ERO1A: variants seen among roughly 807,000 people sequenced by gnomAD.
ERO1A encodes ERO1-like protein alpha.
Under a neutral mutation model 76.9 loss-of-function variants are expected in ERO1A, and 49 were observed. That is an observed-to-expected ratio of 0.64 (90% CI 0.51 to 0.81). The LOEUF (loss-of-function observed/expected upper bound fraction) is 0.81. ERO1A is among the 30% of genes least tolerant of loss of function. The pLI is 0.00. For missense variants in ERO1A, 448 were observed against 542.1 expected, an observed-to-expected ratio of 0.83 and a Z score of 1.72; for synonymous variants, 174 against 181.2, an observed-to-expected ratio of 0.96 and a Z score of 0.32.
intron 12 of ERO1A, among the ~76,000 whole-genome samples, chr14:52,652,599 A>C (rs991739094): frequency 6.6e-6 from 1 of 152,158 alleles, no homozygotes; most frequent in Non-Finnish European, 1.5e-5. Context: ...TCAGTACCCA[A>C]ATCAAAATAA....
chr14:52,673,607 T>C (rs886916089), intron 4 of ERO1A, among the ~76,000 whole-genome samples: 1 of 152,224 alleles, frequency 6.6e-6, no homozygotes, highest in South Asian at 2.1e-4. Flanking sequence ...TAAAATCTGA[T>C]TGATAATAGA....
chr14:52,685,258 T>G (rs1453508900), intron 1 of ERO1A, among the ~76,000 whole-genome samples: 3 of 152,196 alleles, frequency 2.0e-5, no homozygotes, highest in African/African-American at 7.2e-5. Context: ...GAAGAACTTT[T>G]TACTGCTTTT....
intron 6 of ERO1A, among the ~76,000 whole-genome samples, chr14:52,668,171 T>C (rs1230258354): frequency 6.6e-6 from 1 of 152,196 alleles, no homozygotes; most frequent in African/African-American, 2.4e-5. Flanking sequence ...AATGGATAAC[T>C]GTTCATTTCA....
chr14:52,647,467 A>G (rs2039710326), intron 13 of ERO1A, among the ~76,000 whole-genome samples: 1 of 152,076 alleles, frequency 6.6e-6, no homozygotes, highest in African/African-American at 2.4e-5. Flanking sequence ...AAAATTTGTC[A>G]CAAGTACAAT....
chr14:52,693,695 A>G (rs2041436825), intron 1 of ERO1A, among the ~76,000 whole-genome samples: 1 of 151,670 alleles, frequency 6.6e-6, no homozygotes, highest in Non-Finnish European at 1.5e-5. Flanking sequence ...CGGGGGTTTC[A>G]CTATGTTGCC....
In ERO1A at chr14:52,649,822, A is replaced by C. The variant is rs1441742304; in HGVS notation, c.1125+2417T>G. Among the ~76,000 whole-genome samples, 8 of 152,324 alleles carry C rather than the reference A, an allele frequency of 5.3e-5. No homozygotes were observed. In the South Asian group the frequency reaches 1.2e-3, roughly 24 times the overall value. On this transcript the variant is annotated intron_variant, in intron 13 of 15. Transcript: ENST00000395686. Reference sequence around the variant, plus strand: ...GGAGGTAGATGGGAAGTCAAGAATAAGTATTATCTAACAGCAAAAAAACTG... The same window carrying C: ...GGAGGTAGATGGGAAGTCAAGAATACGTATTATCTAACAGCAAAAAAACTG...
chr14:52,687,837 A>C (rs985166401), intron 1 of ERO1A, among the ~76,000 whole-genome samples: 2 of 152,200 alleles, frequency 1.3e-5, no homozygotes, highest in African/African-American at 4.8e-5. Context: ...CAGTTGAGGA[A>C]CAGTAAATAG....
chr14:52,685,991 C>T (rs2041164538), intron 1 of ERO1A, among the ~76,000 whole-genome samples: 1 of 152,194 alleles, frequency 6.6e-6, no homozygotes, highest in South Asian at 2.1e-4. Flanking sequence ...GCGGGAGGAT[C>T]ACTTGAGGTC....
intron 6 of ERO1A, among the ~76,000 whole-genome samples, chr14:52,669,122 T>C (rs1163815406): frequency 6.6e-6 from 1 of 152,212 alleles, no homozygotes; most frequent in Admixed American, 6.5e-5. Context: ...AAATACTTTC[T>C]ATATTTCACG....
At position 52,678,420 on chromosome 14, in the gene ERO1A, G is replaced by T; in HGVS notation, c.357+14C>A. 1 of 1,609,506 alleles carries T rather than the reference G, an allele frequency of 6.2e-7. No homozygotes were observed. Among genetic ancestry groups the T allele is most frequent in the South Asian group, 1.1e-5 (1 of 90,918 alleles). On this transcript the variant is annotated intron_variant, in intron 4 of 15. Transcript: ENST00000395686. Reference sequence around the variant, plus strand: ...ATTAAGATACTGGACACATCAATAGGTATACGTACACACCTTGTAGCTCGC... The same window carrying T: ...ATTAAGATACTGGACACATCAATAGTTATACGTACACACCTTGTAGCTCGC...
rs917283236 is a variant in ERO1A at position 52,695,393 on chromosome 14, G to C, written c.89C>G (p.Thr30Arg). ...SGHGEEQPPE[T>R]AAQRCFCQVS... ...CTGGCAGAAGCACCTCTGTGCCGCTGTCTCCGGGGGCTGCTCCTCTCCGTG... is the reference window on the plus strand; with the variant it reads ...CTGGCAGAAGCACCTCTGTGCCGCTCTCTCCGGGGGCTGCTCCTCTCCGTG... The change falls in exon 1 of 16, where the codon ACA becomes AGA. Residue 30 changes from threonine (T) to arginine (R), a missense_variant. Around this residue, in one of 2 missense-constraint regions of ERO1A, gnomAD observed 146 missense variants for 130.2 expected, o/e 1.12. Transcript: ENST00000395686. 7 of 1,527,084 alleles carry C rather than the reference G, an allele frequency of 4.6e-6. No homozygotes were observed. In the African/African-American group the frequency reaches 8.5e-5, roughly 18 times the overall value. 94.6% of individuals were successfully genotyped at this position (1,527,084 alleles called of 1,614,324 possible). A position where few individuals can be genotyped will look rare whatever the true frequency, so the allele number is the denominator to read the frequency against.
In ERO1A at chr14:52,640,690, T is replaced by A. The variant is rs2039441874; in HGVS notation, c.*2880A>T. On this transcript the variant is annotated 3_prime_UTR_variant, in exon 16 of 16. Coordinates refer to ENST00000395686, the MANE Select transcript of ERO1A (RefSeq NM_014584.3). ...GCAATGAAGATGAAAGAGTGATGTATCAGAGAGGTGGAGATAAAATCAGTA... is the reference window on the plus strand; with the variant it reads ...GCAATGAAGATGAAAGAGTGATGTAACAGAGAGGTGGAGATAAAATCAGTA... 1 of 152,066 alleles carries A rather than the reference T, an allele frequency of 6.6e-6. No homozygotes were observed. The highest frequency in any genetic ancestry group is 2.1e-4 in the South Asian group (1 of 4,820). The allele number at this position is 152,066 out of a possible 1,614,324, so 9.4% of individuals were successfully genotyped here.
At chr14:52,666,743 C>T (rs2040425052) in intron 6 of ERO1A, among the ~76,000 whole-genome samples, 1 of 152,118 alleles carries the variant, frequency 6.6e-6, no homozygotes, top group South Asian at 2.1e-4. Context: ...CCAGCCTGGC[C>T]AACATAGTGA....
intron 6 of ERO1A, among the ~76,000 whole-genome samples, chr14:52,668,508 G>T (rs185616593): frequency 6.6e-6 from 1 of 151,800 alleles, no homozygotes; most frequent in African/African-American, 2.4e-5. Context: ...TCACACCATT[G>T]CACTCCAGCC....
chr14:52,688,130 G>A (rs1264335949), intron 1 of ERO1A, among the ~76,000 whole-genome samples: 3 of 151,898 alleles, frequency 2.0e-5, no homozygotes, highest in Admixed American at 6.6e-5. Context: ...AGGCTGCAGT[G>A]AGCCATAATC....
chr14:52,645,852 A>G (rs1289796350), intron 15 of ERO1A, among the ~76,000 whole-genome samples: 4 of 1,532 alleles, frequency 2.6e-3, no homozygotes, highest in Non-Finnish European at 8.5e-3. Flanking sequence ...AAAAATACAC[A>G]CACACACACA....
intron 9 of ERO1A, chr14:52,658,672 A>T: frequency 6.6e-6 from 1 of 152,382 alleles, no homozygotes; most frequent in East Asian, 1.9e-4. Flanking sequence ...TATTCTTATG[A>T]CCTAATAAGA....
Position 52,642,521 on chromosome 14 carries a change from T to G in ERO1A, c.*1049A>C, listed in dbSNP as rs557742797. The G allele has an allele frequency of 2.0e-5, 3 of 151,264 alleles. No homozygotes were observed. Among genetic ancestry groups the G allele is most frequent in the African/African-American group, 7.3e-5 (3 of 41,306 alleles). 9.4% of individuals were successfully genotyped at this position (151,264 alleles called of 1,614,324 possible). A position where few individuals can be genotyped will look rare whatever the true frequency, so the allele number is the denominator to read the frequency against. On this transcript the variant is annotated 3_prime_UTR_variant, in exon 16 of 16. Transcript: ENST00000395686. ...TATTATAGTTCCAGAATTGTGGGAG[T>G]TTTTTTTTCTGAGAAAATCATTTTT...
intron 4 of ERO1A, among the ~76,000 whole-genome samples, chr14:52,677,069 C>A (rs917954822): frequency 1.3e-4 from 20 of 151,948 alleles, no homozygotes; most frequent in African/African-American, 4.8e-4. Context: ...CTTCTTGTTG[C>A]TTTATAGGGG....
Sources: allele counts gnomAD v4.1 joint callset (sites outside exome capture counted in the v4.1 genomes callset), GRCh38; gene constraint gnomAD v4.1.1; regional missense constraint gnomAD v4.1.1; transcripts MANE v1.5; gene names NCBI Gene and HGNC (gene_info 2026-07-23, HGNC 2026-07-21).